SYTL4: variants seen among roughly 807,000 people sequenced by gnomAD.
The protein encoded by SYTL4 is synaptotagmin like 4.
A neutral mutation model predicts 52.7 loss-of-function variants in SYTL4; 16 were observed. The observed-to-expected ratio is 0.30, with a 90% confidence interval of 0.21 to 0.46. The LOEUF is 0.46. SYTL4 is among the 20% of genes least tolerant of loss of function. SYTL4 has a pLI of 1.00. For synonymous variants in SYTL4, 160 were observed against 186.6 expected (o/e 0.86, Z 1.16); for missense variants, 423 against 519.9 (o/e 0.81, Z 1.81).
chrX:100,709,998 C>T (rs750383480), intron 2 of SYTL4, among the ~76,000 whole-genome samples: 3 of 111,536 alleles, frequency 2.7e-5, no homozygotes, highest in African/African-American at 9.8e-5. Flanking sequence ...TAATCACAGG[C>T]CACTGTTTTT....
intron 2 of SYTL4, among the ~76,000 whole-genome samples, chrX:100,711,623 A>C (rs975265664): frequency 3.6e-5 from 4 of 111,512 alleles, no homozygotes; most frequent in Non-Finnish European, 7.5e-5. Context: ...AACACAGAAA[A>C]AACTGAAAAA....
intron 2 of SYTL4, among the ~76,000 whole-genome samples, chrX:100,710,044 CAGA>C (rs1350282228): frequency 8.9e-6 from 1 of 111,779 alleles, no homozygotes; most frequent in East Asian, 2.8e-4. Flanking sequence ...TTATAGATGA[CAGA>C]AGATTTTCTT....
At chrX:100,676,809 AC>A (rs1286926318) in intron 19 of SYTL4, among the ~76,000 whole-genome samples, 1 of 110,408 alleles carries the variant, frequency 9.1e-6, no homozygotes, top group East Asian at 2.9e-4. Context: ...AAAGCTAAAC[AC>A]CTCTCCTCTA....
At chrX:100,720,290 A>AT (rs1344432734) in intron 2 of SYTL4, among the ~76,000 whole-genome samples, 2 of 111,509 alleles carry the variant, frequency 1.8e-5, no homozygotes, top group Non-Finnish European at 3.8e-5. Flanking sequence ...TGACAGCCCC[A>AT]TTTTTTAGAT....
At chrX:100,688,267 A>T (rs754228454) in intron 13 of SYTL4, 84 bp downstream of exon 13, 25 of 773,663 alleles carry the variant, frequency 3.2e-5, no homozygotes, top group Non-Finnish European at 5.9e-6. Context: ...TGGTTTCCCC[A>T]GGTCCCGAAT....
At chrX:100,703,206 A>G (rs1485064382) in intron 3 of SYTL4, 21 bp from the exon 4 acceptor site, 1 of 109,595 alleles carries the variant, frequency 9.1e-6, no homozygotes, top group Non-Finnish European at 1.9e-5. Context: ...AAAAATCAAA[A>G]CTTAGCTAGC....
At chrX:100,695,780 G>A (rs2083692954) in intron 8 of SYTL4, among the ~76,000 whole-genome samples, 1 of 111,909 alleles carries the variant, frequency 8.9e-6, no homozygotes, top group African/African-American at 3.2e-5. Flanking sequence ...AGACATCTGC[G>A]AAACTATCAC....
chrX:100,678,824 T>C (rs2083326243), intron 18 of SYTL4: 2 of 396,261 alleles, frequency 5.0e-6, no homozygotes, highest in African/African-American at 5.0e-5. Context: ...AATATAATAG[T>C]ATTAGTGAGG....
At position 100,686,669 on chromosome X, in the gene SYTL4, A is replaced by G. The variant is rs1011210253; in HGVS notation, c.1287+10T>C. 4.3e-6 allele frequency: 5 copies of G among 1,173,967 alleles called. No homozygotes were observed. The highest frequency in any genetic ancestry group is 2.4e-4 in the Middle Eastern group (1 of 4,246). On this transcript the variant is annotated intron_variant, in intron 15 of 19. Coordinates refer to ENST00000372989, the MANE Select transcript of SYTL4 (RefSeq NM_001370165.1). Reference sequence around the variant, plus strand: ...ACAAGTTCTCCTACCCTTGAGGTCTAGATACTTACCCTCAGCGTCTCATCA... The same window carrying G: ...ACAAGTTCTCCTACCCTTGAGGTCTGGATACTTACCCTCAGCGTCTCATCA...
At chrX:100,686,945 T>C (rs1330699753) in intron 14 of SYTL4, 122 bp downstream of exon 14, 1 of 918,182 alleles carries the variant, frequency 1.1e-6, no homozygotes, top group African/African-American at 2.0e-5. Context: ...TCCTGGTTCT[T>C]TTCCTACATT....
chrX:100,690,222 T>A, intron 10 of SYTL4, 57 bp from the exon 11 acceptor site: 1 of 883,589 alleles, frequency 1.1e-6, no homozygotes, highest in Non-Finnish European at 1.6e-6. Flanking sequence ...GTAGAAGGAG[T>A]GAGTAAGGAA....
chrX:100,683,804 T>G (rs996638919), intron 16 of SYTL4, among the ~76,000 whole-genome samples: 2 of 112,251 alleles, frequency 1.8e-5, no homozygotes, highest in Non-Finnish European at 3.8e-5. Context: ...AATTGGAGTT[T>G]AGCATTAGCT....
intron 8 of SYTL4, among the ~76,000 whole-genome samples, chrX:100,699,975 G>A (rs1048109753): frequency 1.8e-5 from 2 of 111,291 alleles, no homozygotes; most frequent in Non-Finnish European, 3.8e-5. Flanking sequence ...AAAGAGGCAA[G>A]TCAAAAAGGA....
In SYTL4 at chrX:100,676,124, C is replaced by A; in HGVS notation, c.1920G>T (p.Val640=). The A allele has an allele frequency of 8.3e-7, 1 of 1,211,043 alleles. No homozygotes were observed. Among genetic ancestry groups the A allele is most frequent in the Non-Finnish European group, 1.1e-6 (1 of 895,366 alleles). ...ACTGTCGCATCTTCTGCCACAGGCT[C>A]ACTTCTTCCCCAGTCGAGTCCATCC... is the stretch of plus-strand genomic sequence containing the variant. ...VDWMDSTGEE[V]SLWQKMRQYP... Residue 640 remains valine, a synonymous_variant, in exon 20 of 20, where the codon GTG becomes GTT. Transcript: ENST00000372989.
chrX:100,692,720 C>A (rs943201490), intron 8 of SYTL4, among the ~76,000 whole-genome samples: 1 of 110,529 alleles, frequency 9.0e-6, no homozygotes, highest in African/African-American at 3.3e-5. Flanking sequence ...GGACACCACA[C>A]TCTCCTGGTT....
At position 100,694,922 on chromosome X, in the gene SYTL4, A is replaced by G. The variant is rs1490202636; in HGVS notation, c.540-3713T>C. Reference sequence around the variant, plus strand: ...ACTTACAAGAGGTGAAATGTCAGTCATTCCTTGAAAGATGTATTACTTGTA... The same window carrying G: ...ACTTACAAGAGGTGAAATGTCAGTCGTTCCTTGAAAGATGTATTACTTGTA... On this transcript the variant is annotated intron_variant, in intron 8 of 19. Coordinates refer to ENST00000372989, the MANE Select transcript of SYTL4 (RefSeq NM_001370165.1). 2.7e-5 allele frequency among the ~76,000 whole-genome samples: 3 copies of G among 111,615 alleles called. No individual in the cohort carries two copies. The Admixed American group carries it at 2.9e-4, about 11-fold the overall frequency.
chrX:100,698,373 G>T lies in SYTL4; in HGVS notation c.539+2524C>A, dbSNP rs968658462. Among the ~76,000 whole-genome samples, 6 of 111,815 alleles carry T rather than the reference G, an allele frequency of 5.4e-5. No homozygotes were observed. In the South Asian group the frequency reaches 1.9e-3, roughly 36 times the overall value. ...CCGCCTCGGCCTCCCAAAGTGCTGG[G>T]ATTACAGGAGTGAGCCACTGTGCCC... On this transcript the variant is annotated intron_variant, in intron 8 of 19. Transcript: ENST00000372989.
chrX:100,688,587 G>A (rs1391795497), intron 12 of SYTL4, 144 bp from the exon 13 acceptor site: 9 of 435,424 alleles, frequency 2.1e-5, no homozygotes, highest in South Asian at 8.6e-5. Flanking sequence ...TTTTTGAGAC[G>A]GAGTCTCACT....
At chrX:100,715,104 T>C (rs764755996) in intron 2 of SYTL4, among the ~76,000 whole-genome samples, 8 of 112,106 alleles carry the variant, frequency 7.1e-5, no homozygotes, top group African/African-American at 2.6e-4. Context: ...CAGTGTAGCC[T>C]TGACCTCCTG....
Sources: gnomAD v4.1 joint callset for allele counts (sites outside exome capture counted in the v4.1 genomes callset) on GRCh38, gnomAD v4.1.1 for gene constraint, MANE v1.5 for transcripts, NCBI Gene and HGNC (gene_info 2026-07-23, HGNC 2026-07-21) for gene names.